The following CTNND2 variants were observed in gnomAD, a reference collection of about 807,000 sequenced individuals.
The protein encoded by CTNND2 is catenin delta 2.
CTNND2 carries 22 observed loss-of-function variants against 144.4 expected under a neutral mutation model. The ratio of observed to expected loss-of-function variants is 0.15; its 90% confidence interval spans 0.11 to 0.22. CTNND2 has a LOEUF of 0.22. Ranked by LOEUF, CTNND2 falls within the 10% of genes least tolerant of loss-of-function variation. The pLI, the probability that CTNND2 is intolerant of heterozygous loss-of-function variation, is 1.00. For missense variants in CTNND2, 1,353 were observed against 1,618.8 expected (o/e 0.84, Z 2.82); for synonymous variants, 751 against 695.6 (o/e 1.08, Z -1.25).
At chr5:11,209,294 A>C (rs1383903869) in intron 10 of CTNND2, among the ~76,000 whole-genome samples, 2 of 152,244 alleles carry the variant, frequency 1.3e-5, no homozygotes, top group African/African-American at 4.8e-5. Context: ...TATCTCATTT[A>C]TAAATGCTAC....
intron 9 of CTNND2, among the ~76,000 whole-genome samples, chr5:11,305,609 A>G (rs1044651134): frequency 6.6e-6 from 1 of 152,214 alleles, no homozygotes; most frequent in Non-Finnish European, 1.5e-5. Flanking sequence ...AGTGTCTGCT[A>G]TGAGCCAGGT....
intron 2 of CTNND2, among the ~76,000 whole-genome samples, chr5:11,615,942 CCAT>C (rs781682686): frequency 6.6e-6 from 1 of 152,172 alleles, no homozygotes; most frequent in African/African-American, 2.4e-5. Context: ...CATTTTAGCA[CCAT>C]GAGATGGTCC....
At chr5:11,519,202 C>G (rs2150036895) in intron 3 of CTNND2, among the ~76,000 whole-genome samples, 1 of 152,322 alleles carries the variant, frequency 6.6e-6, no homozygotes, top group South Asian at 2.1e-4. Context: ...AGACTATACA[C>G]TTGATCATTC....
chr5:11,378,150 T>C (rs1208518087), intron 7 of CTNND2, among the ~76,000 whole-genome samples: 3 of 152,154 alleles, frequency 2.0e-5, no homozygotes, highest in Non-Finnish European at 4.4e-5. Context: ...AACTGCTTTG[T>C]TGGTGGAAGC....
chr5:11,058,955 C>T (rs1358706541), intron 16 of CTNND2, among the ~76,000 whole-genome samples: 1 of 152,192 alleles, frequency 6.6e-6, no homozygotes, highest in Admixed American at 6.5e-5. Flanking sequence ...CAATTTCTCA[C>T]ATTTGGAATG....
At chr5:11,706,955 G>A (rs924288162) in intron 2 of CTNND2, among the ~76,000 whole-genome samples, 10 of 151,704 alleles carry the variant, frequency 6.6e-5, no homozygotes, top group South Asian at 4.2e-4. Context: ...GCGTTGTGGC[G>A]GGCGCCTGTA....
At chr5:11,636,506 G>A (rs1024310290) in intron 2 of CTNND2, among the ~76,000 whole-genome samples, 14 of 152,222 alleles carry the variant, frequency 9.2e-5, no homozygotes, top group East Asian at 3.9e-4. Context: ...TCATCCAAAC[G>A]GCTAATATAC....
Position 11,173,471 on chromosome 5 carries a change from T to C in CTNND2, c.1976-13712A>G, listed in dbSNP as rs1760144223. ...TTCTGTAGAGAATCCCAGCTGAGTGTTCTTTTCATGTCCTGTGGAAACCTT... is the reference window on the plus strand; with the variant it reads ...TTCTGTAGAGAATCCCAGCTGAGTGCTCTTTTCATGTCCTGTGGAAACCTT... On this transcript the variant is annotated intron_variant, in intron 11 of 21. Transcript: ENST00000304623. 2.0e-5 allele frequency among the ~76,000 whole-genome samples: 3 copies of C among 152,334 alleles called. No homozygotes were observed. In the South Asian group the frequency reaches 6.2e-4, roughly 32 times the overall value.
intron 2 of CTNND2, among the ~76,000 whole-genome samples, chr5:11,698,441 A>G (rs373169429): frequency 1.6e-4 from 24 of 152,178 alleles, no homozygotes; most frequent in African/African-American, 5.8e-4. Context: ...GGCATGCGCC[A>G]CCACGTCCAG....
chr5:11,141,894 G>A (rs772746236), intron 12 of CTNND2, among the ~76,000 whole-genome samples: 7 of 152,218 alleles, frequency 4.6e-5, no homozygotes, highest in African/African-American at 9.6e-5. Flanking sequence ...TTGAGGAGGC[G>A]ATTAGATCCT....
chr5:11,413,431 T>C (rs1196097528), intron 3 of CTNND2, among the ~76,000 whole-genome samples: 5 of 152,210 alleles, frequency 3.3e-5, no homozygotes, highest in Admixed American at 6.5e-5. Context: ...CTGGCTATTT[T>C]AATCCTCTAA....
rs189500193 is a variant in CTNND2, at chr5:11,665,182, G to C, written c.174+66954C>G. On this transcript the variant is annotated intron_variant, in intron 2 of 21. Coordinates refer to ENST00000304623, the MANE Select transcript of CTNND2 (RefSeq NM_001332.4). The stretch of plus-strand genomic sequence containing the variant: ...GGTGAATAGTGCATCTCCGTTCAGA[G>C]CTTAATAGAGAAATTGTGTAGCTCT... Among the ~76,000 whole-genome samples the C allele has an allele frequency of 2.0e-5, 3 of 152,260 alleles. No homozygotes were observed. In the East Asian group the frequency reaches 5.8e-4, roughly 29 times the overall value.
chr5:11,028,293 C>T (rs1220527761), intron 16 of CTNND2, among the ~76,000 whole-genome samples: 3 of 152,162 alleles, frequency 2.0e-5, no homozygotes, highest in East Asian at 3.8e-4. Context: ...TTCTATGGCC[C>T]TCCTGTTTCT....
intron 3 of CTNND2, among the ~76,000 whole-genome samples, chr5:11,476,016 T>C (rs1767697406): frequency 6.6e-6 from 1 of 151,070 alleles, no homozygotes; most frequent in Non-Finnish European, 1.5e-5. Context: ...TGCACCACCA[T>C]GCCCGGCTAA....
intron 2 of CTNND2, among the ~76,000 whole-genome samples, chr5:11,642,664 T>G (rs964415999): frequency 1.3e-5 from 2 of 152,176 alleles, no homozygotes; most frequent in Non-Finnish European, 2.9e-5. Flanking sequence ...AAATGTGACG[T>G]TGGGGCCACA....
intron 3 of CTNND2, chr5:11,508,250 C>A (rs1217191861): frequency 6.6e-6 from 1 of 152,186 alleles, no homozygotes. Context: ...AACCAGAAGT[C>A]TGTTTTGTAG....
chr5:11,152,497 G>A (rs1325049397), intron 12 of CTNND2, among the ~76,000 whole-genome samples: 2 of 152,094 alleles, frequency 1.3e-5, no homozygotes, highest in East Asian at 1.9e-4. Context: ...TGGTGTTTAC[G>A]GCGTTTCCAT....
At chr5:11,855,656 C>CA (rs1795218265) in intron 1 of CTNND2, among the ~76,000 whole-genome samples, 3 of 152,296 alleles carry the variant, frequency 2.0e-5, no homozygotes, top group South Asian at 4.1e-4. Flanking sequence ...TTCTTGAACT[C>CA]AGTCACTTTA....
At chr5:11,178,210 T>C (rs1760660773) in intron 11 of CTNND2, among the ~76,000 whole-genome samples, 2 of 152,208 alleles carry the variant, frequency 1.3e-5, no homozygotes, top group South Asian at 4.1e-4. Flanking sequence ...CAAGTCTTAC[T>C]ATGAAATCAA....
Sources: allele counts gnomAD v4.1 joint callset (sites outside exome capture counted in the v4.1 genomes callset), GRCh38; gene constraint gnomAD v4.1.1; transcripts MANE v1.5; gene names NCBI Gene and HGNC (gene_info 2026-07-23, HGNC 2026-07-21).